Variants in PTPRK observed in about 807,000 individuals in gnomAD.
PTPRK encodes protein tyrosine phosphatase receptor type K, also known as receptor-type tyrosine-protein phosphatase kappa.
Under a neutral mutation model 178.0 loss-of-function variants are expected in PTPRK, and 75 were observed. The ratio of observed to expected loss-of-function variants is 0.42; its 90% CI spans 0.35 to 0.51. PTPRK has a LOEUF of 0.51. Ranked by LOEUF, PTPRK falls within the 20% of genes least tolerant of loss-of-function variation. The pLI is 0.02. For missense variants in PTPRK, 1,441 were observed against 1,797.8 expected (o/e 0.80, Z 3.59); for synonymous variants, 637 against 620.6 (o/e 1.03, Z -0.39).
At chr6:128,112,382 A>C (rs1278924310) in intron 7 of PTPRK, among the ~76,000 whole-genome samples, 1 of 152,124 alleles carries the variant, frequency 6.6e-6, no homozygotes, top group Non-Finnish European at 1.5e-5. Flanking sequence ...GGATGGAAAG[A>C]CATTAAAAAG....
At chr6:128,492,769 C>T (rs1854013670) in intron 1 of PTPRK, among the ~76,000 whole-genome samples, 1 of 152,168 alleles carries the variant, frequency 6.6e-6, no homozygotes, top group South Asian at 2.1e-4. Flanking sequence ...GTTTTCTCTT[C>T]AGCTGAAATA....
At chr6:128,273,067 G>C (rs1208246158) in intron 3 of PTPRK, among the ~76,000 whole-genome samples, 2 of 152,162 alleles carry the variant, frequency 1.3e-5, no homozygotes, top group Non-Finnish European at 2.9e-5. Flanking sequence ...TAGGGACATG[G>C]ATGAAGCTAG....
chr6:128,083,620 T>G, intron 9 of PTPRK, 95 bp downstream of exon 9: 1 of 587,672 alleles, frequency 1.7e-6, no homozygotes, highest in South Asian at 4.4e-5. Context: ...TAATCCTCAT[T>G]TACGTCTTTT....
chr6:128,012,986 C>T (rs780495270), intron 13 of PTPRK, among the ~76,000 whole-genome samples: 2 of 148,838 alleles, frequency 1.3e-5, no homozygotes, highest in Non-Finnish European at 3.0e-5. Context: ...TCTTTAAAAT[C>T]CTACCGGCAG....
Position 127,996,931 on chromosome 6 carries a change from C to G in PTPRK, c.2737G>C (p.Ala913Pro), listed in dbSNP as rs760499409. 7.4e-6 allele frequency: 12 copies of G among 1,611,188 alleles called. 1 individual carries two copies. In the South Asian group the frequency reaches 1.3e-4, roughly 18 times the overall value. Reference protein sequence around the residue: ...WDVAKKDQNRAKNRYGNIIAY... With the variant: ...WDVAKKDQNRPKNRYGNIIAY... Reference sequence around the variant, plus strand: ...ATAATGTTTCCATATCGGTTTTTTGCTCTATTTTGATCTTTTTTAGCTACA... The same window carrying G: ...ATAATGTTTCCATATCGGTTTTTTGGTCTATTTTGATCTTTTTTAGCTACA... Residue 913 changes from alanine (A) to proline (P), a missense_variant, in exon 17 of 30, where the codon GCA (alanine) becomes CCA (proline). Physicochemically the swap from Ala to Pro is conservative, Grantham distance 27. Coordinates refer to ENST00000368226, the MANE Select transcript of PTPRK (RefSeq NM_002844.4).
At chr6:128,075,696 T>C (rs1783685980) in intron 11 of PTPRK, among the ~76,000 whole-genome samples, 1 of 152,044 alleles carries the variant, frequency 6.6e-6, no homozygotes, top group Non-Finnish European at 1.5e-5. Flanking sequence ...TCAACAAATT[T>C]ATAGAATCCA....
chr6:128,334,853 G>A (rs553387516), intron 2 of PTPRK, among the ~76,000 whole-genome samples: 1 of 152,288 alleles, frequency 6.6e-6, no homozygotes, highest in Admixed American at 6.5e-5. Flanking sequence ...GACTTTGGGG[G>A]CTGAGGAGGA....
chr6:127,972,393 C>T (rs1774031475), intron 29 of PTPRK, among the ~76,000 whole-genome samples: 1 of 152,166 alleles, frequency 6.6e-6, no homozygotes. Flanking sequence ...ATAAGTGTAA[C>T]TTTCTTTCTT....
intron 1 of PTPRK, among the ~76,000 whole-genome samples, chr6:128,419,896 G>A (rs6569527): frequency 0.026 from 3,899 of 152,254 alleles, 163 homozygotes; most frequent in African/African-American, 0.088. Context: ...GGATCCAAAA[G>A]CTGTGCTTCC....
chr6:128,108,117 CAA>C (rs1324783950), intron 7 of PTPRK, among the ~76,000 whole-genome samples: 8 of 140,088 alleles, frequency 5.7e-5, no homozygotes, highest in Admixed American at 2.1e-4. Flanking sequence ...CACACACACA[CAA>C]ATTTCACTCA....
Position 128,064,782 on chromosome 6 carries a change from G to A in PTPRK, c.2170C>T (p.Gln724Ter). 1 of 1,585,232 alleles carries A rather than the reference G, an allele frequency of 6.3e-7. No individual in the cohort carries two copies. Among genetic ancestry groups the A allele is most frequent in the South Asian group, 1.2e-5 (1 of 85,178 alleles). ...MSSVEKETKTQCVRIATKAAA... is the reference protein window; with the variant it reads ...MSSVEKETKT Reference sequence around the variant, plus strand: ...CCTTTTGTAGCAATGCGTACGCACTGGGTTTTAGTTTCCTGATAGAGTAAA... The same window carrying A: ...CCTTTTGTAGCAATGCGTACGCACTAGGTTTTAGTTTCCTGATAGAGTAAA... Residue 724 changes from glutamine (Q) to a stop codon, truncating the protein, a stop_gained, in exon 13 of 30, where the codon CAG (glutamine) becomes TAG (stop). Coordinates refer to ENST00000368226, the MANE Select transcript of PTPRK (RefSeq NM_002844.4). LOFTEE classifies it high-confidence loss of function.
chr6:128,475,466 T>C (rs1022830284), intron 1 of PTPRK, among the ~76,000 whole-genome samples: 3 of 152,062 alleles, frequency 2.0e-5, no homozygotes, highest in Non-Finnish European at 4.4e-5. Context: ...AGGAGACTAC[T>C]GCCACGGTCT....
At position 127,968,813 on chromosome 6, in the gene PTPRK, T is replaced by A. The variant is rs1773622643; in HGVS notation, c.*1414A>T. The A allele has an allele frequency of 6.6e-6, 1 of 152,218 alleles. No individual in the cohort carries two copies. The highest frequency in any genetic ancestry group is 2.4e-5 in the African/African-American group (1 of 41,462). The allele number at this position is 152,218 out of a possible 1,614,324, so 9.4% of individuals were successfully genotyped here. A position where few individuals can be genotyped will look rare whatever the true frequency, so the allele number is the denominator to read the frequency against. ...TAATTATAAAAACTTTATTTCATTC[T>A]TACTTTAATTAAATCTTTATAAGCA... On this transcript the variant is annotated 3_prime_UTR_variant, in exon 30 of 30. Transcript: ENST00000368226.
At position 128,125,372 on chromosome 6, in the gene PTPRK, TC is replaced by T. The variant is rs968313209; in HGVS notation, c.1163-35381del. 2.2e-4 allele frequency among the ~76,000 whole-genome samples: 34 copies of T among 152,028 alleles called. 1 individual carries two copies. The highest frequency in any genetic ancestry group is 8.0e-4 in the African/African-American group (33 of 41,440). On this transcript the variant is annotated intron_variant, in intron 7 of 29. Coordinates refer to ENST00000368226, the MANE Select transcript of PTPRK (RefSeq NM_002844.4). ...GGTTGTTTAAAAGTGTACAGCATCT[TC>T]CCCCATCCTGCTCCTGCTCCTGCCA...
At chr6:128,064,634 C>T (rs558911207) in intron 13 of PTPRK, 124 bp downstream of exon 13, 1 of 1,250,000 alleles carries the variant, frequency 8.0e-7, no homozygotes, top group Admixed American at 3.0e-5. Flanking sequence ...AAGACACCCA[C>T]ATGAGTCACA....
intron 6 of PTPRK, among the ~76,000 whole-genome samples, chr6:128,190,126 C>T (rs1198517587): frequency 6.6e-6 from 1 of 152,110 alleles, no homozygotes; most frequent in African/African-American, 2.4e-5. Context: ...CACAATTTAA[C>T]TTTTCCTTAG....
chr6:128,275,687 T>A (rs1238250952), intron 3 of PTPRK, among the ~76,000 whole-genome samples: 1 of 152,018 alleles, frequency 6.6e-6, no homozygotes, highest in Non-Finnish European at 1.5e-5. Flanking sequence ...ATAAATATGG[T>A]TCCATTGAGT....
rs71028122 is a variant in PTPRK at position 128,382,410 on chromosome 6, CT to C, written c.223+15155del. ...CATAAAGAAAACCTATATGAAAATTCTTTTTTTTTTTTTTTTTAATAGAGTC... is the reference window on the plus strand; with the variant it reads ...CATAAAGAAAACCTATATGAAAATTCTTTTTTTTTTTTTTTTAATAGAGTC... On this transcript the variant is annotated intron_variant, in intron 2 of 29. Transcript: ENST00000368226. 2.7e-3 allele frequency among the ~76,000 whole-genome samples: 352 copies of C among 131,830 alleles called. 4 individuals carry two copies. The highest frequency in any genetic ancestry group is 8.5e-3 in the African/African-American group (300 of 35,154). 86.5% of individuals were successfully genotyped at this position (131,830 alleles called of 152,430 possible). A position where few individuals can be genotyped will look rare whatever the true frequency, so the allele number is the denominator to read the frequency against.
chr6:128,520,246 C>G lies in PTPRK; in HGVS notation c.100+13G>C. On this transcript the variant is annotated intron_variant, in intron 1 of 29. Transcript: ENST00000368226. ...CTCCAGGCGTTCGTCGGGGACGCCC[C>G]CCGGCCACTCACCTGCGGAGAACTG... 1.3e-6 allele frequency: 2 copies of G among 1,574,744 alleles called. No individual in the cohort carries two copies. The highest frequency in any genetic ancestry group is 1.7e-6 in the Non-Finnish European group (2 of 1,159,566).
Sources: allele counts gnomAD v4.1 joint callset (sites outside exome capture counted in the v4.1 genomes callset), GRCh38; gene constraint gnomAD v4.1.1; transcripts MANE v1.5; gene names NCBI Gene and HGNC (gene_info 2026-07-23, HGNC 2026-07-21).